MIDEAS: variants seen among roughly 807,000 people sequenced by gnomAD.
MIDEAS encodes mitotic deacetylase associated SANT domain protein.
MIDEAS carries 26 observed loss-of-function variants against 102.7 expected under a neutral mutation model. The observed-to-expected ratio is 0.25, with a 90% CI of 0.19 to 0.35. The LOEUF (loss-of-function observed/expected upper bound fraction) is 0.35, where lower values mean the gene tolerates loss of function less well. MIDEAS is among the 10% of genes least tolerant of loss of function. MIDEAS has a pLI of 1.00. For synonymous variants in MIDEAS, 585 were observed against 591.0 expected (o/e 0.99, Z 0.15); for missense variants, 1,231 against 1,435.6 (o/e 0.86, Z 2.30).
At chr14:73,747,561 C>T (rs72721783) in intron 1 of MIDEAS, among the ~76,000 whole-genome samples, 1,798 of 152,304 alleles carry the variant, frequency 0.012, 7 homozygotes, top group Non-Finnish European at 0.018. Flanking sequence ...TCTAAGCCTC[C>T]TGACCCCAAA....
chr14:73,719,728 G>T (rs2140092399), intron 11 of MIDEAS, among the ~76,000 whole-genome samples: 1 of 151,796 alleles, frequency 6.6e-6, no homozygotes, highest in African/African-American at 2.4e-5. Context: ...AATTCTGTGG[G>T]GCAGCCCGAG....
At position 73,725,253 on chromosome 14, in the gene MIDEAS, G is replaced by GA. The variant is rs2053045001; in HGVS notation, c.2574+18dup. The GA allele has an allele frequency of 6.2e-7, 1 of 1,610,532 alleles. No homozygotes were observed. Among genetic ancestry groups the GA allele is most frequent in the Non-Finnish European group, 8.5e-7 (1 of 1,176,904 alleles). ...GCAGCTCCTGGCCCTCATTTGCCCT[G>GA]AAACAGAGCCCAGCTCACCAGCTTC... is the stretch of plus-strand genomic sequence containing the variant. On this transcript the variant is annotated intron_variant, in intron 9 of 12. Coordinates refer to ENST00000423556, the MANE Select transcript of MIDEAS (RefSeq NM_001367710.1). This position sits in a 1 kb window ranked among gnomAD's most constrained non-coding sequence, Gnocchi z 4.1.
rs1406471488 is a variant in MIDEAS at position 73,756,283 on chromosome 14, T to C, written c.-248+3480A>G. 3.0e-3 allele frequency among the ~76,000 whole-genome samples: 281 copies of C among 92,986 alleles called. 2 individuals carry two copies. Among genetic ancestry groups the C allele is most frequent in the African/African-American group, 0.012 (272 of 22,574 alleles). 61.0% of individuals were successfully genotyped at this position (92,986 alleles called of 152,430 possible). A position where few individuals can be genotyped will look rare whatever the true frequency, so the allele number is the denominator to read the frequency against. ...GCCCATGTCAGTGTGTGTGTGTGTGTGTGTGTGTGTGTGCGCGCGCGCGTG... is the reference window on the plus strand; with the variant it reads ...GCCCATGTCAGTGTGTGTGTGTGTGCGTGTGTGTGTGTGCGCGCGCGCGTG... On this transcript the variant is annotated intron_variant, in intron 1 of 12. Coordinates refer to ENST00000423556, the MANE Select transcript of MIDEAS (RefSeq NM_001367710.1).
intron 10 of MIDEAS, 50 bp from the exon 11 acceptor site, chr14:73,721,559 C>A (rs771926660): frequency 6.4e-7 from 1 of 1,559,502 alleles, no homozygotes; most frequent in East Asian, 2.3e-5. Context: ...TGTCTCACTG[C>A]TGTAGCACAG....
At chr14:73,750,398 C>T (rs1482671730) in intron 1 of MIDEAS, among the ~76,000 whole-genome samples, 1 of 152,202 alleles carries the variant, frequency 6.6e-6, no homozygotes, top group East Asian at 1.9e-4. Flanking sequence ...GGGGCATTTC[C>T]AAGCACAGCA....
chr14:73,744,615 C>T (rs2053327242), intron 1 of MIDEAS, among the ~76,000 whole-genome samples: 1 of 152,182 alleles, frequency 6.6e-6, no homozygotes, highest in African/African-American at 2.4e-5. Context: ...CCAGGCGAGT[C>T]AGTTCTCTGA....
Position 73,739,156 on chromosome 14 carries a change from G to A in MIDEAS, c.853C>T (p.Pro285Ser). 1 of 1,613,870 alleles carries A rather than the reference G, an allele frequency of 6.2e-7. No individual in the cohort carries two copies. Among genetic ancestry groups the A allele is most frequent in the Non-Finnish European group, 8.5e-7 (1 of 1,179,868 alleles). Reference sequence around the variant, plus strand: ...GCTGGCTGCAGGCCAAAGTCCTGGGGTTGCTGCGAGGGTTGCTGCGGCATG... The same window carrying A: ...GCTGGCTGCAGGCCAAAGTCCTGGGATTGCTGCGAGGGTTGCTGCGGCATG... ...YSMPQQPSQQPQDFGLQPAGP... is the reference protein window; with the variant it reads ...YSMPQQPSQQSQDFGLQPAGP... The change falls in exon 2 of 13, where the codon CCC becomes TCC. Residue 285 changes from proline (P) to serine (S), a missense_variant. Around this residue, in one of 5 missense-constraint regions of MIDEAS, gnomAD observed 758 missense variants for 856.0 expected, o/e 0.89. Coordinates refer to ENST00000423556, the MANE Select transcript of MIDEAS (RefSeq NM_001367710.1).
chr14:73,788,310 A>G (rs897262109), upstream of MIDEAS, among the ~76,000 whole-genome samples: 2 of 152,174 alleles, frequency 1.3e-5, no homozygotes, highest in Non-Finnish European at 2.9e-5. Flanking sequence ...TTCCCCAAAT[A>G]CTGCTTCTCC....
Position 73,739,076 on chromosome 14 carries a change from G to A in MIDEAS, c.933C>T (p.Phe311=), listed in dbSNP as rs1250142399. Residue 311 remains phenylalanine, a synonymous_variant, in exon 2 of 13, where the codon TTC becomes TTT. Coordinates refer to ENST00000423556, the MANE Select transcript of MIDEAS (RefSeq NM_001367710.1). ...CTGGGTTCATATCTGGGTTGGGGGG[G>A]AAGGGGTAGGGTGCCATGCTGTGGT... ...LAHHSMAPYP[F]PPNPDMNPEL... is the part of the protein sequence containing the mutation. The A allele has an allele frequency of 6.3e-6, 10 of 1,577,888 alleles. No homozygotes were observed. The highest frequency in any genetic ancestry group is 1.2e-5 in the South Asian group (1 of 85,114).
intron 11 of MIDEAS, among the ~76,000 whole-genome samples, chr14:73,721,082 C>T (rs1566581415): frequency 6.6e-6 from 1 of 152,178 alleles, no homozygotes; most frequent in Non-Finnish European, 1.5e-5. Flanking sequence ...TTATCTTGGG[C>T]CACAATTTCC....
At chr14:73,768,632 G>A (rs1023306395) in intron 1 of MIDEAS, among the ~76,000 whole-genome samples, 1 of 151,000 alleles carries the variant, frequency 6.6e-6, no homozygotes, top group Admixed American at 6.6e-5. Context: ...CTACAGGTGT[G>A]CACCACCACG....
At chr14:73,768,393 A>G (rs991558383) in intron 1 of MIDEAS, among the ~76,000 whole-genome samples, 1 of 152,118 alleles carries the variant, frequency 6.6e-6, no homozygotes, top group Non-Finnish European at 1.5e-5. Flanking sequence ...GTGTTTCCCA[A>G]TAAGAAGTTT....
Position 73,715,931 on chromosome 14 carries a change from G to C in MIDEAS, c.*2912C>G, listed in dbSNP as rs1026040700. On this transcript the variant is annotated 3_prime_UTR_variant, in exon 13 of 13. Transcript: ENST00000423556. ...CATGGAGGACAGTAATGACGGCTGT[G>C]CCTCCTTGGATGGTGGAGACCTCAG... 4 of 152,376 alleles carry C rather than the reference G, an allele frequency of 2.6e-5. No individual in the cohort carries two copies. The allele number at this position is 152,376 out of a possible 1,614,324, so 9.4% of individuals were successfully genotyped here.
At chr14:73,730,137 C>T in intron 3 of MIDEAS, 152 bp from the exon 4 acceptor site, 1 of 816,874 alleles carries the variant, frequency 1.2e-6, no homozygotes, top group Non-Finnish European at 2.1e-6. Flanking sequence ...GTCCAAAAGC[C>T]CTTTTTATCA....
intron 1 of MIDEAS, among the ~76,000 whole-genome samples, chr14:73,766,793 T>C (rs900024461): frequency 6.6e-6 from 1 of 151,740 alleles, no homozygotes; most frequent in Non-Finnish European, 1.5e-5. Context: ...GACCTCATCA[T>C]CTGCCCGTCT....
Position 73,759,482 on chromosome 14 carries a change from CGCGGGGCT to C in MIDEAS, c.-248+273_-248+280del, listed in dbSNP as rs1271430819. Among the ~76,000 whole-genome samples, 1 of 151,078 alleles carries C rather than the reference CGCGGGGCT, an allele frequency of 6.6e-6. No individual in the cohort carries two copies. The highest frequency in any genetic ancestry group is 1.5e-5 in the Non-Finnish European group (1 of 67,712). On this transcript the variant is annotated intron_variant, in intron 1 of 12. Coordinates refer to ENST00000423556, the MANE Select transcript of MIDEAS (RefSeq NM_001367710.1). This position sits in a 1 kb window ranked among gnomAD's most constrained non-coding sequence, Gnocchi z 6.7. ...GCAAGCTGCGTAGCTGCACAAACACCGCGGGGCTGCGCTGCACACGCAGCTGCGGGCCG... is the reference window on the plus strand; with the variant it reads ...GCAAGCTGCGTAGCTGCACAAACACCGCGCTGCACACGCAGCTGCGGGCCG...
chr14:73,780,638 GC>G (rs1386760698), intron 1 of MIDEAS, among the ~76,000 whole-genome samples: 1 of 152,192 alleles, frequency 6.6e-6, no homozygotes, highest in African/African-American at 2.4e-5. Context: ...AGGACAGTTG[GC>G]CCTGCATTAA....
At position 73,738,731 on chromosome 14, in the gene MIDEAS, A is replaced by C. The variant is rs774945415; in HGVS notation, c.1278T>G (p.Pro426=). ...LAPNGREREA[P]AMGSEEGMRA... ...TCATGCCCTCCTCGCTGCCCATGGC[A>C]GGAGCCTCTCGCTCCCGGCCATTGG... is the stretch of plus-strand genomic sequence containing the variant. Residue 426 remains proline (P), a synonymous_variant, in exon 2 of 13, where the codon CCT becomes CCG. Coordinates refer to ENST00000423556, the MANE Select transcript of MIDEAS (RefSeq NM_001367710.1). The C allele has an allele frequency of 6.2e-7, 1 of 1,612,420 alleles. No individual in the cohort carries two copies. The highest frequency in any genetic ancestry group is 8.5e-7 in the Non-Finnish European group (1 of 1,179,314).
At chr14:73,719,241 A>ACCCCCGCCCCC in intron 12 of MIDEAS, 64 bp downstream of exon 12, 1 of 350,420 alleles carries the variant, frequency 2.9e-6, no homozygotes, top group Admixed American at 6.4e-5. Context: ...CCTCCACCCC[A>ACCCCCGCCCCC]CCCCCGCCCC....
Sources: gnomAD v4.1 joint callset for allele counts (sites outside exome capture counted in the v4.1 genomes callset) on GRCh38, gnomAD v4.1.1 for gene constraint, gnomAD v4.1.1 regional missense constraint, Gnocchi (gnomAD v3.1) non-coding constraint, MANE v1.5 for transcripts, NCBI Gene and HGNC (gene_info 2026-07-23, HGNC 2026-07-21) for gene names.